The following KCNN2 variants were observed in gnomAD, a reference collection of about 807,000 sequenced individuals.
KCNN2 encodes the protein potassium calcium-activated channel subfamily N member 2, also known as small conductance calcium-activated potassium channel protein 2.
A neutral mutation model predicts 55.5 loss-of-function variants in KCNN2; 24 were observed. The ratio of observed to expected loss-of-function variants is 0.43; its 90% CI spans 0.31 to 0.61. The LOEUF is 0.61. Among genes scored for constraint, KCNN2 ranks in the 20% least tolerant of loss-of-function variants. KCNN2 has a pLI of 0.08. For synonymous variants in KCNN2, 431 were observed against 336.1 expected, an observed-to-expected ratio of 1.28 and a Z score of -3.09; for missense variants, 754 against 853.6, an observed-to-expected ratio of 0.88 and a Z score of 1.45.
chr5:114,166,319 A>G (rs1000563355), intron 1 of KCNN2, among the ~76,000 whole-genome samples: 2 of 152,156 alleles, frequency 1.3e-5, no homozygotes, highest in Admixed American at 1.3e-4. Context: ...CAGCTGGACA[A>G]AGTTACACAG....
chr5:114,427,276 A>G (rs958316961), intron 3 of KCNN2, among the ~76,000 whole-genome samples: 1 of 152,194 alleles, frequency 6.6e-6, no homozygotes, highest in Non-Finnish European at 1.5e-5. Flanking sequence ...CCAATTAACA[A>G]TAATAAAAAA....
At chr5:114,276,804 G>A (rs970271260) in intron 2 of KCNN2, among the ~76,000 whole-genome samples, 15 of 151,950 alleles carry the variant, frequency 9.9e-5, no homozygotes, top group African/African-American at 3.6e-4. Context: ...GCTTGTCAGT[G>A]TCTTTTGATT....
intron 5 of KCNN2, among the ~76,000 whole-genome samples, chr5:114,481,556 C>T (rs896882517): frequency 1.3e-5 from 2 of 152,094 alleles, no homozygotes; most frequent in Non-Finnish European, 2.9e-5. Context: ...TTAAAATTTA[C>T]ATGGAACCAA....
intron 2 of KCNN2, among the ~76,000 whole-genome samples, chr5:114,375,456 C>T (rs916180068): frequency 2.8e-4 from 42 of 152,120 alleles, no homozygotes; most frequent in African/African-American, 9.4e-4. Context: ...ACTTAAAGGT[C>T]TTAGCTTTTA....
At chr5:114,156,487 AATG>A (rs1367379978) in intron 1 of KCNN2, among the ~76,000 whole-genome samples, 6 of 152,098 alleles carry the variant, frequency 3.9e-5, no homozygotes, top group Admixed American at 2.0e-4. Context: ...TGACCATTTT[AATG>A]ATATTTATTC....
chr5:114,260,031 G>A (rs1330852452), intron 2 of KCNN2, among the ~76,000 whole-genome samples: 1 of 152,048 alleles, frequency 6.6e-6, no homozygotes, highest in African/African-American at 2.4e-5. Context: ...CCCAGCCCTC[G>A]TCTGATTCAT....
intron 2 of KCNN2, among the ~76,000 whole-genome samples, chr5:114,325,061 T>C (rs1756689477): frequency 2.6e-5 from 4 of 152,190 alleles, no homozygotes. Context: ...ATATATAGTG[T>C]CAGAAAACTA....
At chr5:114,107,258 A>G (rs1751506713) in intron 1 of KCNN2, among the ~76,000 whole-genome samples, 1 of 151,702 alleles carries the variant, frequency 6.6e-6, no homozygotes, top group South Asian at 2.1e-4. Flanking sequence ...CTATTTGTCT[A>G]TTTTTGAGCC....
intron 1 of KCNN2, among the ~76,000 whole-genome samples, chr5:114,078,781 A>G (rs1750736325): frequency 6.6e-6 from 1 of 152,230 alleles, no homozygotes. Flanking sequence ...GCAAGAAAAT[A>G]TAGAATTAGA....
chr5:114,479,454 A>G (rs955568251), intron 5 of KCNN2, among the ~76,000 whole-genome samples: 4 of 152,218 alleles, frequency 2.6e-5, no homozygotes, highest in Non-Finnish European at 5.9e-5. Context: ...CTTCCACACA[A>G]TAATAGGAGA....
intron 3 of KCNN2, among the ~76,000 whole-genome samples, chr5:114,427,630 T>G (rs1759668354): frequency 6.6e-6 from 1 of 152,236 alleles, no homozygotes; most frequent in Non-Finnish European, 1.5e-5. Context: ...ATGTATGTGC[T>G]CATTTCTCCT....
At chr5:114,064,616 G>A (rs772438643) in intron 1 of KCNN2, among the ~76,000 whole-genome samples, 2 of 152,192 alleles carry the variant, frequency 1.3e-5, no homozygotes, top group African/African-American at 2.4e-5. Flanking sequence ...TGCAGGAAAG[G>A]TCTTTCTCCA....
At chr5:114,153,500 A>C (rs1344161240) in intron 1 of KCNN2, among the ~76,000 whole-genome samples, 2 of 152,164 alleles carry the variant, frequency 1.3e-5, no homozygotes, top group Non-Finnish European at 2.9e-5. Flanking sequence ...ACAAAAAAAA[A>C]CTGTATCACT....
intron 1 of KCNN2, among the ~76,000 whole-genome samples, chr5:114,095,784 CAT>C (rs1751242818): frequency 2.0e-5 from 3 of 152,138 alleles, no homozygotes; most frequent in Admixed American, 1.3e-4. Context: ...TTGCCTTAGA[CAT>C]ATCTCCTTGT....
chr5:114,428,435 A>G (rs1433199390), intron 3 of KCNN2, among the ~76,000 whole-genome samples: 3 of 152,150 alleles, frequency 2.0e-5, no homozygotes, highest in Admixed American at 2.0e-4. Flanking sequence ...TATTCCTTAT[A>G]TCTAGAAAAT....
chr5:114,235,788 A>G (rs575323727), intron 2 of KCNN2, among the ~76,000 whole-genome samples: 76 of 152,244 alleles, frequency 5.0e-4, no homozygotes, highest in South Asian at 1.7e-3. Context: ...AAATTTAATC[A>G]ACATTTTCCA....
At chr5:114,115,988 A>G (rs1751701110) in intron 1 of KCNN2, among the ~76,000 whole-genome samples, 1 of 152,280 alleles carries the variant, frequency 6.6e-6, no homozygotes, top group East Asian at 1.9e-4. Flanking sequence ...TTAGGAGCTG[A>G]GAATAGAAAC....
chr5:114,258,308 T>C (rs936759321), intron 2 of KCNN2, among the ~76,000 whole-genome samples: 2 of 152,176 alleles, frequency 1.3e-5, no homozygotes, highest in Non-Finnish European at 1.5e-5. Context: ...AGTTTTTTAC[T>C]TTTTAGTGTG....
At chr5:114,212,360 A>T (rs1042966657) in intron 1 of KCNN2, among the ~76,000 whole-genome samples, 2 of 152,006 alleles carry the variant, frequency 1.3e-5, no homozygotes, top group East Asian at 1.9e-4. Context: ...ATAGAGATAA[A>T]GTAAATTAGT....
Sources: allele counts gnomAD v4.1 joint callset (sites outside exome capture counted in the v4.1 genomes callset), GRCh38; gene constraint gnomAD v4.1.1; transcripts MANE v1.5; gene names NCBI Gene and HGNC (gene_info 2026-07-23, HGNC 2026-07-21).